ACTN1: variants seen among roughly 807,000 people sequenced by gnomAD.
ACTN1 encodes actinin alpha 1.
In ACTN1, 30 loss-of-function variants were observed where a neutral mutation model predicts 119.6. The observed-to-expected ratio is 0.25, with a 90% CI of 0.19 to 0.34. The LOEUF is 0.34. Ranked by LOEUF, ACTN1 falls within the 10% of genes least tolerant of loss-of-function variation. The probability of loss-of-function intolerance (pLI) is 1.00; values close to 1 mark genes in which losing one functional copy is unlikely to be tolerated. For missense variants in ACTN1, 764 were observed against 1,223.4 expected (o/e 0.62, Z 5.60); for synonymous variants, 429 against 472.6 (o/e 0.91, Z 1.20).
In ACTN1 at chr14:68,874,886, C is replaced by G; in HGVS notation, c.2718G>C (p.Thr906=). 2 of 1,602,446 alleles carry G rather than the reference C, an allele frequency of 1.2e-6. No individual in the cohort carries two copies. Among genetic ancestry groups the G allele is most frequent in the Non-Finnish European group, 1.7e-6 (2 of 1,171,012 alleles). The change falls in exon 22 of 22, where the codon ACG becomes ACC. Residue 906 remains threonine, a synonymous_variant. Coordinates refer to ENST00000394419, the MANE Select transcript of ACTN1 (RefSeq NM_001130004.2). ...AGAGGTCACTCTCGCCGTACAGCGC[C>G]GTGGAGAAGGACATGTAGTCCAGAG... ...PGALDYMSFS[T]ALYGESDL is the part of the protein sequence containing the mutation.
At chr14:68,943,174 G>A (rs2035822036) in intron 1 of ACTN1, among the ~76,000 whole-genome samples, 1 of 152,150 alleles carries the variant, frequency 6.6e-6, no homozygotes, top group Admixed American at 6.5e-5. Context: ...TGAGCAGCTC[G>A]CCAACACCTT....
chr14:68,945,725 G>C (rs2035923871), intron 1 of ACTN1, among the ~76,000 whole-genome samples: 1 of 152,156 alleles, frequency 6.6e-6, no homozygotes, highest in African/African-American at 2.4e-5. Context: ...CCAACAGAAG[G>C]AGGAACAGGC....
At chr14:68,887,975 T>C (rs1400566648) in intron 11 of ACTN1, 1 of 783,322 alleles carries the variant, frequency 1.3e-6, no homozygotes, top group African/African-American at 1.7e-5. Flanking sequence ...TGCTGCGTTT[T>C]TCGGCTTCGC....
rs1365445140 is a variant in ACTN1, at chr14:68,963,923, T to A, written c.105+15029A>T. On this transcript the variant is annotated intron_variant, in intron 1 of 21. Coordinates refer to ENST00000394419, the MANE Select transcript of ACTN1 (RefSeq NM_001130004.2). ...CTGTGTGTGAATTTTCCATAAGTTT[T>A]AAAAAAATTCATTCATTTATTCATG... Among the ~76,000 whole-genome samples, 3 of 152,184 alleles carry A rather than the reference T, an allele frequency of 2.0e-5. No individual in the cohort carries two copies. In the East Asian group the frequency reaches 5.8e-4, roughly 29 times the overall value.
At chr14:68,898,084 G>A (rs1190422814) in intron 8 of ACTN1, among the ~76,000 whole-genome samples, 1 of 152,334 alleles carries the variant, frequency 6.6e-6, no homozygotes, top group East Asian at 1.9e-4. Flanking sequence ...TCAGATCTGG[G>A]GCAGAGCAGG....
At chr14:68,924,619 G>A (rs941878094) in intron 2 of ACTN1, among the ~76,000 whole-genome samples, 4 of 152,210 alleles carry the variant, frequency 2.6e-5, no homozygotes, top group African/African-American at 4.8e-5. Flanking sequence ...ACTGACTGTC[G>A]GACAAGCCCT....
At chr14:68,890,948 A>G (rs570140794) in intron 10 of ACTN1, among the ~76,000 whole-genome samples, 9 of 152,302 alleles carry the variant, frequency 5.9e-5, no homozygotes, top group African/African-American at 2.2e-4. Context: ...AGGCCAAGCT[A>G]CATCTGTCCC....
At chr14:68,900,033 A>C (rs1158633383) in intron 8 of ACTN1, among the ~76,000 whole-genome samples, 1 of 152,098 alleles carries the variant, frequency 6.6e-6, no homozygotes, top group Non-Finnish European at 1.5e-5. Flanking sequence ...GGGGCTGGGC[A>C]GGCTCGGGGG....
intron 1 of ACTN1, among the ~76,000 whole-genome samples, chr14:68,968,224 T>C (rs866711198): frequency 6.6e-6 from 1 of 152,184 alleles, no homozygotes; most frequent in South Asian, 2.1e-4. Context: ...TCAGCAAGTC[T>C]TTGAACACTG....
chr14:68,940,146 T>A (rs2035716000), intron 1 of ACTN1, among the ~76,000 whole-genome samples: 1 of 152,198 alleles, frequency 6.6e-6, no homozygotes, highest in Admixed American at 6.5e-5. Context: ...GGAGTCTGAT[T>A]CTGGCCCTTG....
intron 1 of ACTN1, among the ~76,000 whole-genome samples, chr14:68,975,905 G>A (rs1421763550): frequency 6.6e-6 from 1 of 152,068 alleles, no homozygotes; most frequent in Non-Finnish European, 1.5e-5. Context: ...TCCACATCAG[G>A]CCATACTTTC....
chr14:68,883,741 G>A (rs1423966355), intron 14 of ACTN1, among the ~76,000 whole-genome samples: 3 of 152,136 alleles, frequency 2.0e-5, no homozygotes, highest in Non-Finnish European at 4.4e-5. Flanking sequence ...TCCCACCACT[G>A]CACTCCAGCC....
intron 6 of ACTN1, among the ~76,000 whole-genome samples, chr14:68,908,390 G>A (rs1594796861): frequency 6.6e-6 from 1 of 152,112 alleles, no homozygotes; most frequent in East Asian, 1.9e-4. Context: ...TGGAGGCCCA[G>A]GCAAGGCAAG....
At chr14:68,889,130 C>T (rs1295666865) in intron 11 of ACTN1, among the ~76,000 whole-genome samples, 1 of 152,222 alleles carries the variant, frequency 6.6e-6, no homozygotes, top group Non-Finnish European at 1.5e-5. Flanking sequence ...TGTTCCCCAC[C>T]TCCAGCCCTG....
At chr14:68,963,710 T>C (rs903334270) in intron 1 of ACTN1, among the ~76,000 whole-genome samples, 8 of 152,252 alleles carry the variant, frequency 5.3e-5, no homozygotes, top group Non-Finnish European at 1.2e-4. Flanking sequence ...TTTTTATTCA[T>C]ACTATGATAT....
At chr14:68,887,474 T>C (rs1566599908) in intron 11 of ACTN1, 6 of 1,086,328 alleles carry the variant, frequency 5.5e-6, no homozygotes, top group African/African-American at 3.3e-5. Context: ...CTTTGTATTA[T>C]AGGATATAAA....
chr14:68,953,579 T>G (rs2036241692), intron 1 of ACTN1, among the ~76,000 whole-genome samples: 1 of 152,116 alleles, frequency 6.6e-6, no homozygotes, highest in African/African-American at 2.4e-5. Context: ...CCATGACTCC[T>G]TAAGAAAAGG....
rs1349794768 is a variant in ACTN1 at position 68,950,477 on chromosome 14, T to TATATATATATATATATATATATATAC, written c.106-24806_106-24805insGTATATATATATATATATATATATAT. ...ATGCGTGTGTGTATATATATATATA[T>TATATATATATATATATATATATATAC]AAATCAAACATATAAAATCTGTGGT... is the stretch of plus-strand genomic sequence containing the variant. On this transcript the variant is annotated intron_variant, in intron 1 of 21. Coordinates refer to ENST00000394419, the MANE Select transcript of ACTN1 (RefSeq NM_001130004.2). 1.4e-4 allele frequency among the ~76,000 whole-genome samples: 20 copies of TATATATATATATATATATATATATAC among 144,880 alleles called. 1 individual carries two copies. Among genetic ancestry groups the TATATATATATATATATATATATATAC allele is most frequent in the African/African-American group, 4.9e-4 (17 of 34,990 alleles).
intron 1 of ACTN1, among the ~76,000 whole-genome samples, chr14:68,946,046 G>A (rs11626371): frequency 1.3e-5 from 2 of 152,076 alleles, no homozygotes; most frequent in Non-Finnish European, 2.9e-5. Context: ...AATTCCACCC[G>A]CGGTGGCAGT....
Sources: allele counts gnomAD v4.1 joint callset (sites outside exome capture counted in the v4.1 genomes callset), GRCh38; gene constraint gnomAD v4.1.1; transcripts MANE v1.5; gene names NCBI Gene and HGNC (gene_info 2026-07-23, HGNC 2026-07-21).